LIPE: variants seen among roughly 807,000 people sequenced by gnomAD.
The protein encoded by LIPE is lipase E, hormone sensitive type.
Under a neutral mutation model 88.5 loss-of-function variants are expected in LIPE, and 66 were observed. The observed-to-expected ratio is 0.75, with a 90% CI of 0.61 to 0.91. The LOEUF is 0.91. LIPE is among the 40% of genes least tolerant of loss of function. LIPE has a pLI of 0.00. For missense variants in LIPE, 1,346 were observed against 1,434.7 expected, an observed-to-expected ratio of 0.94 and a Z score of 1.00; for synonymous variants, 570 against 617.5, an observed-to-expected ratio of 0.92 and a Z score of 1.14.
At position 42,424,036 on chromosome 19, in the gene LIPE, T is replaced by C. The variant is rs2040658512; in HGVS notation, c.883+2231A>G. On this transcript the variant is annotated intron_variant, in intron 1 of 9. Coordinates refer to ENST00000244289, the MANE Select transcript of LIPE (RefSeq NM_005357.4). ...GGGGCGGGCCAGGTCCTCTGCCAAC[T>C]CAAAGACGAGGCGGGGCGCCAGCGC... The C allele has an allele frequency of 2.5e-6, 3 of 1,183,486 alleles. No homozygotes were observed. The South Asian group carries it at 4.7e-5, about 19-fold the overall frequency. 73.3% of individuals were successfully genotyped at this position (1,183,486 alleles called of 1,614,324 possible). A position where few individuals can be genotyped will look rare whatever the true frequency, so the allele number is the denominator to read the frequency against.
At position 42,407,382 on chromosome 19, in the gene LIPE, C is replaced by T. The variant is rs150537286; in HGVS notation, c.1929G>A (p.Ser643=). 809 of 1,613,588 alleles carry T rather than the reference C, an allele frequency of 5.0e-4. No individual in the cohort carries two copies. The highest frequency in any genetic ancestry group is 6.0e-4 in the Non-Finnish European group (703 of 1,179,820). ...CGTGGAAGTGCACTATCAGGGACCG[C>T]GAGCGGGGTGCCTGCTGGGGGCGCG... ...LWPRPQQAPR[S]RSLIVHFHGG... Residue 643 remains serine (S), a synonymous_variant, in exon 6 of 10, where the codon TCG becomes TCA. Coordinates refer to ENST00000244289, the MANE Select transcript of LIPE (RefSeq NM_005357.4). This position sits in a 1 kb window ranked among gnomAD's most constrained non-coding sequence, Gnocchi z 5.8.
chr19:42,423,289 G>T (rs1347690385), intron 1 of LIPE: 2 of 586,604 alleles, frequency 3.4e-6, no homozygotes, highest in Non-Finnish European at 5.2e-6. Context: ...CGTTGTCCCC[G>T]CAAGCGGCAA....
At position 42,402,747 on chromosome 19, in the gene LIPE, C is replaced by T. The variant is rs1233388425; in HGVS notation, c.2827G>A (p.Glu943Lys). The T allele has an allele frequency of 1.3e-6, 2 of 1,574,382 alleles. No homozygotes were observed. Among genetic ancestry groups the T allele is most frequent in the African/African-American group, 2.7e-5 (2 of 74,000 alleles). ...RGLGVRAAFP[E>K]GFHPRRSSQG... ...CTGGAGCGTCGGGGGTGGAAACCCTCGGGGAAGGCGGCACGGACGCCCAGG... is the reference window on the plus strand; with the variant it reads ...CTGGAGCGTCGGGGGTGGAAACCCTTGGGGAAGGCGGCACGGACGCCCAGG... Residue 943 changes from glutamate to lysine, a missense_variant, in exon 9 of 10, where the codon GAG (glutamate) becomes AAG (lysine). By Grantham distance (56) the Glu-to-Lys change is moderately conservative. Transcript: ENST00000244289.
At position 42,407,994 on chromosome 19, in the gene LIPE, G is replaced by T; in HGVS notation, c.1638C>A (p.Thr546=). 6.2e-7 allele frequency: 1 copy of T among 1,613,352 alleles called. No homozygotes were observed. Residue 546 remains threonine (T), a synonymous_variant, in exon 4 of 10, where the codon ACC becomes ACA. Transcript: ENST00000244289. This position sits in a 1 kb window ranked among gnomAD's most constrained non-coding sequence, Gnocchi z 5.8. The part of the protein sequence containing the change: ...VHFWKAFWNI[T]EMEVLSSLAN... ...CCCTCACCGATAGCACTTCCATCTC[G>T]GTGATGTTCCAGAAGGCTTTCCAGA...
At chr19:42,418,672 T>A (rs865913776) in intron 1 of LIPE, among the ~76,000 whole-genome samples, 1 of 151,904 alleles carries the variant, frequency 6.6e-6, no homozygotes, top group Non-Finnish European at 1.5e-5. Context: ...AATTAAAATA[T>A]GTACATGGTA....
Position 42,408,192 on chromosome 19 carries a change from C to A in LIPE, c.1510+40G>T. The A allele has an allele frequency of 1.2e-6, 2 of 1,613,734 alleles. No individual in the cohort carries two copies. Among genetic ancestry groups the A allele is most frequent in the Non-Finnish European group, 1.7e-6 (2 of 1,179,708 alleles). On this transcript the variant is annotated intron_variant, in intron 3 of 9. Coordinates refer to ENST00000244289, the MANE Select transcript of LIPE (RefSeq NM_005357.4). This position sits in a 1 kb window ranked among gnomAD's most constrained non-coding sequence, Gnocchi z 4.3. Reference sequence around the variant, plus strand: ...CTTGGGCAGGAGTGGGGAGGAGGGCCAAGAGAGTAGGCTGCGAGTAGAACC... The same window carrying A: ...CTTGGGCAGGAGTGGGGAGGAGGGCAAAGAGAGTAGGCTGCGAGTAGAACC...
Position 42,410,533 on chromosome 19 carries a change from C to T in LIPE, c.1193G>A (p.Arg398His), listed in dbSNP as rs764469630. ...GCTGGTGCGGAAGAAGATGCTGCGG[C>T]GGTTGGAGGCCACATAGCGGGATTT... Reference protein sequence around the residue: ...LHKSRYVASNRRSIFFRTSHN... With the variant: ...LHKSRYVASNHRSIFFRTSHN... The change falls in exon 2 of 10, where the codon CGC (arginine) becomes CAC (histidine). Residue 398 changes from arginine to histidine, a missense_variant. Arg to His is a conservative substitution (Grantham distance 29). Transcript: ENST00000244289. This position sits in a 1 kb window ranked among gnomAD's most constrained non-coding sequence, Gnocchi z 6.1. 31 of 1,612,454 alleles carry T rather than the reference C, an allele frequency of 1.9e-5. No homozygotes were observed. The highest frequency in any genetic ancestry group is 6.7e-5 in the Admixed American group (4 of 59,986).
chr19:42,417,741 C>T (rs1449267852), intron 1 of LIPE, among the ~76,000 whole-genome samples: 1 of 152,060 alleles, frequency 6.6e-6, no homozygotes, highest in African/African-American at 2.4e-5. Context: ...ATTTTGTAGG[C>T]TGGGTGCAGT....
At chr19:42,417,190 G>A (rs958096142) in intron 1 of LIPE, among the ~76,000 whole-genome samples, 2 of 152,202 alleles carry the variant, frequency 1.3e-5, no homozygotes, top group Admixed American at 1.3e-4. Context: ...AAAATGCTGG[G>A]ATTACAGGCG....
In LIPE at chr19:42,401,711, C is replaced by CCT; in HGVS notation, c.*100_*101insAG. The CCT allele has an allele frequency of 2.2e-6, 1 of 445,444 alleles. No homozygotes were observed. Among genetic ancestry groups the CCT allele is most frequent in the South Asian group, 4.9e-5 (1 of 20,212 alleles). The allele number at this position is 445,444 out of a possible 1,614,324, so 27.6% of individuals were successfully genotyped here. ...AGCTTTCGGGCCCCCGCCCCGCCCC[C>CCT]TTGCCACCCCCGACTTAAGTAAGGC... On this transcript the variant is annotated 3_prime_UTR_variant, in exon 10 of 10. Transcript: ENST00000244289.
chr19:42,401,836 GT>G lies in LIPE; in HGVS notation c.3206del (p.Asp1069AlafsTer107). 9.2e-6 allele frequency: 3 copies of G among 325,916 alleles called. No individual in the cohort carries two copies. Among genetic ancestry groups the G allele is most frequent in the African/African-American group, 2.6e-5 (1 of 38,206 alleles). The allele number at this position is 325,916 out of a possible 1,614,324, so 20.2% of individuals were successfully genotyped here. ...PSGETGAAGV[D>X]GGCGGRH is the part of the protein sequence containing the mutation. ...TTTAGTGTCGCCCCCCGCAGCCCCCGTCTACCCCCGCAGCCCCCGTCTCCCC... is the reference window on the plus strand; with the variant it reads ...TTTAGTGTCGCCCCCCGCAGCCCCCGCTACCCCCGCAGCCCCCGTCTCCCC... On this transcript the variant is annotated frameshift_variant, in exon 10 of 10. Transcript: ENST00000244289. LOFTEE classifies it high-confidence loss of function.
chr19:42,419,356 T>C (rs2040551020), intron 1 of LIPE, among the ~76,000 whole-genome samples: 1 of 149,792 alleles, frequency 6.7e-6, no homozygotes, highest in South Asian at 2.1e-4. Flanking sequence ...CACAAAGGAG[T>C]GGGGAAGGGG....
At chr19:42,403,792 G>T (rs1156372064) in intron 8 of LIPE, among the ~76,000 whole-genome samples, 1 of 152,110 alleles carries the variant, frequency 6.6e-6, no homozygotes, top group Non-Finnish European at 1.5e-5. Flanking sequence ...GTGGCTTGAA[G>T]GGAGGCTCTG....
rs2040191633 is a variant in LIPE at position 42,406,583 on chromosome 19, C to G, written c.2138-195G>C. Among the ~76,000 whole-genome samples, 2 of 152,158 alleles carry G rather than the reference C, an allele frequency of 1.3e-5. No individual in the cohort carries two copies. The highest frequency in any genetic ancestry group is 4.8e-5 in the African/African-American group (2 of 41,428). ...TGGGCTCATGTGGTAGACAGAGGGT[C>G]AGGATGACTCAGGACCTGGAGAGGC... On this transcript the variant is annotated intron_variant, in intron 6 of 9. Coordinates refer to ENST00000244289, the MANE Select transcript of LIPE (RefSeq NM_005357.4). This position sits in a 1 kb window ranked among gnomAD's most constrained non-coding sequence, Gnocchi z 5.7.
chr19:42,403,601 C>G (rs2040070686), intron 8 of LIPE, among the ~76,000 whole-genome samples: 1 of 151,508 alleles, frequency 6.6e-6, no homozygotes, highest in Non-Finnish European at 1.5e-5. Context: ...GCATGTGCCA[C>G]CATGCCCGGC....
chr19:42,416,344 C>CAA (rs142029695), intron 1 of LIPE, among the ~76,000 whole-genome samples: 2 of 148,280 alleles, frequency 1.3e-5, no homozygotes, highest in African/African-American at 4.9e-5. Context: ...AACTTTGTCT[C>CAA]AAAAAAAAAA....
rs1194311142 is a variant in LIPE at position 42,408,180 on chromosome 19, G to T, written c.1510+52C>A. 3 of 1,613,556 alleles carry T rather than the reference G, an allele frequency of 1.9e-6. No individual in the cohort carries two copies. The highest frequency in any genetic ancestry group is 1.7e-5 in the Admixed American group (1 of 59,994). On this transcript the variant is annotated intron_variant, in intron 3 of 9. Coordinates refer to ENST00000244289, the MANE Select transcript of LIPE (RefSeq NM_005357.4). The surrounding 1 kb of genome is among the most constrained non-coding windows in gnomAD (Gnocchi z 4.3). Reference sequence around the variant, plus strand: ...TGGGTCAGGCTGCTTGGGCAGGAGTGGGGAGGAGGGCCAAGAGAGTAGGCT... The same window carrying T: ...TGGGTCAGGCTGCTTGGGCAGGAGTTGGGAGGAGGGCCAAGAGAGTAGGCT...
Position 42,402,795 on chromosome 19 carries a change from C to A in LIPE, c.2779G>T (p.Glu927Ter). 4 of 1,611,230 alleles carry A rather than the reference C, an allele frequency of 2.5e-6. No homozygotes were observed. Among genetic ancestry groups the A allele is most frequent in the Non-Finnish European group, 3.4e-6 (4 of 1,177,748 alleles). The change falls in exon 9 of 10, where the codon GAG (glutamate) becomes TAG (stop). Residue 927 changes from glutamate to a stop codon, truncating the protein, a stop_gained. Transcript: ENST00000244289. LOFTEE classifies it high-confidence loss of function. ...DAGEEAEAKN[E>*]LSPMDRGLGV... is the part of the protein sequence containing the mutation. ...AGGCCTCTGTCCATGGGGCTCAGCT[C>A]ATTTTTGGCCTCAGCCTCTTCCCCT...
At position 42,408,614 on chromosome 19, in the gene LIPE, T is replaced by TCAGGCTA. The variant is rs2040270814; in HGVS notation, c.1420-299_1420-293dup. Among the ~76,000 whole-genome samples, 1 of 142,930 alleles carries TCAGGCTA rather than the reference T, an allele frequency of 7.0e-6. No homozygotes were observed. Among genetic ancestry groups the TCAGGCTA allele is most frequent in the African/African-American group, 2.6e-5 (1 of 38,532 alleles). The allele number at this position is 142,930 out of a possible 152,430, so 93.8% of individuals were successfully genotyped here. A position where few individuals can be genotyped will look rare whatever the true frequency, so the allele number is the denominator to read the frequency against. On this transcript the variant is annotated intron_variant, in intron 2 of 9. Transcript: ENST00000244289. The surrounding 1 kb of genome is among the most constrained non-coding windows in gnomAD (Gnocchi z 4.3). Reference sequence around the variant, plus strand: ...AGAGGGCACCAGTGATGACTAGGGGTCAGGCTACTTAGCGGGTCTCGGAGG... The same window carrying TCAGGCTA: ...AGAGGGCACCAGTGATGACTAGGGGTCAGGCTACAGGCTACTTAGCGGGTCTCGGAGG...
Sources: allele counts gnomAD v4.1 joint callset (sites outside exome capture counted in the v4.1 genomes callset), GRCh38; gene constraint gnomAD v4.1.1; non-coding constraint Gnocchi (gnomAD v3.1); transcripts MANE v1.5; gene names NCBI Gene and HGNC (gene_info 2026-07-23, HGNC 2026-07-21).